The following ATP8B4 variants were observed in gnomAD, a reference collection of about 807,000 sequenced individuals.
The protein encoded by ATP8B4 is probable phospholipid-transporting ATPase IM.
ATP8B4 carries 133 observed loss-of-function variants against 145.6 expected under a neutral mutation model. The ratio of observed to expected loss-of-function variants is 0.91; its 90% CI spans 0.79 to 1.05. ATP8B4 has a LOEUF of 1.05. ATP8B4 is among the 50% of genes least tolerant of loss of function. ATP8B4 has a pLI of 0.00. For synonymous variants in ATP8B4, 507 were observed against 492.9 expected, an observed-to-expected ratio of 1.03 and a Z score of -0.38; for missense variants, 1,458 against 1,425.2, an observed-to-expected ratio of 1.02 and a Z score of -0.37.
In ATP8B4 at chr15:50,069,093, A is replaced by G. The variant is rs574087422; in HGVS notation, c.87+5034T>C. Among the ~76,000 whole-genome samples, 20 of 152,300 alleles carry G rather than the reference A, an allele frequency of 1.3e-4. No individual in the cohort carries two copies. The South Asian group carries it at 4.1e-3, about 32-fold the overall frequency. ...TATTCATTCCTATTATTAACCAAGA[A>G]AACATTGAACTCCCTTCTAATGAGA... On this transcript the variant is annotated intron_variant, in intron 3 of 27. Transcript: ENST00000284509.
intron 20 of ATP8B4, among the ~76,000 whole-genome samples, chr15:49,912,565 C>T (rs1241661456): frequency 2.0e-5 from 3 of 152,090 alleles, no homozygotes; most frequent in Admixed American, 2.0e-4. Context: ...AATTGGATGA[C>T]TTCACTACCA....
At chr15:50,031,327 G>A (rs1298465977) in intron 6 of ATP8B4, among the ~76,000 whole-genome samples, 1 of 151,982 alleles carries the variant, frequency 6.6e-6, no homozygotes, top group Non-Finnish European at 1.5e-5. Context: ...TAGCCCCAGT[G>A]GTACCATCAT....
intron 25 of ATP8B4, among the ~76,000 whole-genome samples, chr15:49,871,635 T>C (rs1244508983): frequency 6.6e-6 from 1 of 152,174 alleles, no homozygotes; most frequent in African/African-American, 2.4e-5. Flanking sequence ...CACAACCAAA[T>C]TATTTTCACT....
chr15:49,863,338 C>T (rs895753576), intron 26 of ATP8B4, among the ~76,000 whole-genome samples: 5 of 152,202 alleles, frequency 3.3e-5, no homozygotes, highest in Non-Finnish European at 5.9e-5. Flanking sequence ...AACTCATTTC[C>T]AAGCCTGAAG....
chr15:50,039,503 T>C (rs1395077337), intron 5 of ATP8B4, among the ~76,000 whole-genome samples: 1 of 152,200 alleles, frequency 6.6e-6, no homozygotes, highest in Non-Finnish European at 1.5e-5. Context: ...AAATTAGCAG[T>C]CATTCAGGTA....
chr15:50,027,080 G>A (rs2050062667), intron 6 of ATP8B4, among the ~76,000 whole-genome samples: 1 of 152,056 alleles, frequency 6.6e-6, no homozygotes, highest in East Asian at 1.9e-4. Context: ...CCTTTGCTGG[G>A]GGGCCAATTC....
intron 1 of ATP8B4, among the ~76,000 whole-genome samples, chr15:50,156,289 A>G (rs2044418792): frequency 1.3e-5 from 2 of 151,628 alleles, no homozygotes; most frequent in South Asian, 4.2e-4. Context: ...TACTTGATAT[A>G]ATTGCTCTGA....
rs2153588559 is a variant in ATP8B4, at chr15:50,028,521, C to T, written c.362+10247G>A. ...TACTGACAAGAACTTTTGAGAGCTG[C>T]ACATTCCTAATGAGATGAGTCATTT... is the stretch of plus-strand genomic sequence containing the variant. On this transcript the variant is annotated intron_variant, in intron 6 of 27. Coordinates refer to ENST00000284509, the MANE Select transcript of ATP8B4 (RefSeq NM_024837.4). Among the ~76,000 whole-genome samples the T allele has an allele frequency of 2.0e-5, 3 of 152,236 alleles. No individual in the cohort carries two copies. In the East Asian group the frequency reaches 5.8e-4, roughly 30 times the overall value.
At chr15:50,175,954 C>A (rs1238794814) in intron 1 of ATP8B4, among the ~76,000 whole-genome samples, 2 of 151,906 alleles carry the variant, frequency 1.3e-5, no homozygotes, top group African/African-American at 4.8e-5. Context: ...AAGCCAAATG[C>A]CCATCAATCA....
intron 2 of ATP8B4, among the ~76,000 whole-genome samples, chr15:50,075,189 C>A (rs1050895063): frequency 6.6e-6 from 1 of 151,518 alleles, no homozygotes; most frequent in African/African-American, 2.4e-5. Flanking sequence ...AACTTGGAGA[C>A]ACGTGTTGGG....
At chr15:49,999,832 G>A (rs899471596) in intron 8 of ATP8B4, among the ~76,000 whole-genome samples, 9 of 152,070 alleles carry the variant, frequency 5.9e-5, no homozygotes, top group South Asian at 2.1e-4. Context: ...CTCCATAGCC[G>A]TACCCACCTC....
chr15:49,858,402 C>G lies in ATP8B4; in HGVS notation c.*1792G>C, dbSNP rs1166210786. On this transcript the variant is annotated 3_prime_UTR_variant, in exon 28 of 28. Coordinates refer to ENST00000284509, the MANE Select transcript of ATP8B4 (RefSeq NM_024837.4). ...GAAAGACAACGTCCATAGGCAGTTA[C>G]TATGGTAAAGGACTGCATTTGACTC... 2.6e-5 allele frequency: 4 copies of G among 152,212 alleles called. No individual in the cohort carries two copies. Among genetic ancestry groups the G allele is most frequent in the Non-Finnish European group, 2.9e-5 (2 of 68,032 alleles). The allele number at this position is 152,212 out of a possible 1,614,324, so 9.4% of individuals were successfully genotyped here.
At chr15:49,892,763 G>A (rs117130147) in intron 23 of ATP8B4, among the ~76,000 whole-genome samples, 421 of 152,274 alleles carry the variant, frequency 2.8e-3, no homozygotes, top group Admixed American at 4.9e-3. Flanking sequence ...TTGATTGTAA[G>A]AAATACCATT....
chr15:50,113,215 GC>G (rs1567385732), intron 1 of ATP8B4: 1 of 152,454 alleles, frequency 6.6e-6, no homozygotes, highest in African/African-American at 2.4e-5. Flanking sequence ...CCCAGTGCTG[GC>G]CCCCTGAGGA....
chr15:49,933,719 G>C (rs577107045), intron 15 of ATP8B4, among the ~76,000 whole-genome samples: 1 of 152,068 alleles, frequency 6.6e-6, no homozygotes, highest in African/African-American at 2.4e-5. Context: ...TCAATTGTAA[G>C]AACGATGTCA....
chr15:49,963,007 A>G (rs1436229627), intron 13 of ATP8B4, among the ~76,000 whole-genome samples: 1 of 152,184 alleles, frequency 6.6e-6, no homozygotes, highest in Non-Finnish European at 1.5e-5. Context: ...AATTTTTGCA[A>G]TCTATCCATC....
chr15:50,012,368 G>T (rs992616737), intron 6 of ATP8B4, among the ~76,000 whole-genome samples: 12 of 152,142 alleles, frequency 7.9e-5, no homozygotes, highest in African/African-American at 2.9e-4. Flanking sequence ...TACTGAAAGT[G>T]CACCTGTCTC....
chr15:49,935,722 A>G (rs2041679731), intron 14 of ATP8B4, among the ~76,000 whole-genome samples: 1 of 152,176 alleles, frequency 6.6e-6, no homozygotes, highest in Admixed American at 6.6e-5. Context: ...AATTATGTAC[A>G]TATATTACCA....
chr15:50,047,497 G>T, intron 3 of ATP8B4, 33 bp from the exon 4 acceptor site: 2 of 1,264,728 alleles, frequency 1.6e-6, no homozygotes, highest in Non-Finnish European at 2.3e-6. Context: ...TTAGTTTGGG[G>T]CAAGGCATTG....
Sources: allele counts gnomAD v4.1 joint callset (sites outside exome capture counted in the v4.1 genomes callset), GRCh38; gene constraint gnomAD v4.1.1; transcripts MANE v1.5; gene names NCBI Gene and HGNC (gene_info 2026-07-23, HGNC 2026-07-21).